Variants in APLF observed in about 807,000 individuals in gnomAD.
APLF encodes aprataxin and PNK-like factor.
Under a neutral mutation model 55.6 loss-of-function variants are expected in APLF, and 61 were observed. That is an observed-to-expected ratio of 1.10 (90% CI 0.89 to 1.36). The LOEUF (loss-of-function observed/expected upper bound fraction) is 1.36. Among genes scored for constraint, APLF ranks in the 40% most tolerant of loss-of-function variants. The pLI is 0.00. For missense variants in APLF, 611 were observed against 602.5 expected (o/e 1.01, Z -0.15); for synonymous variants, 207 against 214.8 (o/e 0.96, Z 0.32).
Position 68,474,019 on chromosome 2 carries a change from G to A in APLF, c.96+6192G>A, listed in dbSNP as rs372235912. Among the ~76,000 whole-genome samples the A allele has an allele frequency of 1.2e-3, 190 of 152,240 alleles. 1 individual carries two copies. The highest frequency in any genetic ancestry group is 4.5e-3 in the African/African-American group (187 of 41,532). ...TTCTGAACCACTGGATGTAAACCAG[G>A]GATCCCATGGCCCTTTCCTTGGGCT... On this transcript the variant is annotated intron_variant, in intron 1 of 9. Coordinates refer to ENST00000303795, the MANE Select transcript of APLF (RefSeq NM_173545.3).
At chr2:68,574,573 T>G (rs77951929) in intron 9 of APLF, among the ~76,000 whole-genome samples, 3 of 152,344 alleles carry the variant, frequency 2.0e-5, no homozygotes, top group Admixed American at 1.3e-4. Context: ...ACTAGCCACG[T>G]TGAATTCTGT....
chr2:68,538,646 A>T (rs933670179), intron 7 of APLF, among the ~76,000 whole-genome samples: 1 of 129,204 alleles, frequency 7.7e-6, no homozygotes, highest in Admixed American at 7.0e-5. Context: ...GGTGCTTTGA[A>T]TCATCATGGT....
chr2:68,513,813 A>G (rs1223764604), intron 5 of APLF, 133 bp downstream of exon 5: 11 of 983,242 alleles, frequency 1.1e-5, no homozygotes, highest in Non-Finnish European at 1.6e-5. Context: ...AGCCTAGCCT[A>G]GTTTTTTTAG....
At chr2:68,530,772 C>T (rs1291985903) in intron 6 of APLF, among the ~76,000 whole-genome samples, 1 of 152,026 alleles carries the variant, frequency 6.6e-6, no homozygotes, top group Non-Finnish European at 1.5e-5. Flanking sequence ...TCTTGGGTGT[C>T]TGGACTAGGG....
At chr2:68,484,705 A>G (rs903392513) in intron 1 of APLF, among the ~76,000 whole-genome samples, 3 of 151,692 alleles carry the variant, frequency 2.0e-5, no homozygotes, top group East Asian at 3.9e-4. Context: ...AAAAAAAAAA[A>G]AAAGTTTAAG....
intron 3 of APLF, among the ~76,000 whole-genome samples, chr2:68,506,909 T>C (rs921002142): frequency 4.6e-5 from 7 of 151,904 alleles, no homozygotes; most frequent in Non-Finnish European, 1.0e-4. Context: ...TATAAACATA[T>C]AAAACATACA....
chr2:68,490,140 C>T (rs1346553398), intron 1 of APLF, 50 bp from the exon 2 acceptor site: 1 of 1,404,602 alleles, frequency 7.1e-7, no homozygotes, highest in South Asian at 1.4e-5. Flanking sequence ...TGTTTTGTTG[C>T]TTTTTAAGGA....
At chr2:68,566,200 C>G (rs1671306782) in intron 8 of APLF, among the ~76,000 whole-genome samples, 1 of 152,074 alleles carries the variant, frequency 6.6e-6, no homozygotes, top group South Asian at 2.1e-4. Context: ...AATTGCCTTA[C>G]TTGCCCTATT....
chr2:68,477,757 G>A (rs1052599332), intron 1 of APLF, among the ~76,000 whole-genome samples: 1 of 152,178 alleles, frequency 6.6e-6, no homozygotes, highest in African/African-American at 2.4e-5. Flanking sequence ...TAATCATGGT[G>A]GAAGGCGAAT....
At chr2:68,476,234 C>T (rs188558024) in intron 1 of APLF, among the ~76,000 whole-genome samples, 12 of 151,848 alleles carry the variant, frequency 7.9e-5, no homozygotes, top group African/African-American at 2.7e-4. Context: ...GCCTGTAATC[C>T]CAGCACTTTG....
chr2:68,571,927 T>TG (rs1671481008), intron 9 of APLF, among the ~76,000 whole-genome samples: 3 of 152,326 alleles, frequency 2.0e-5, no homozygotes, highest in Non-Finnish European at 4.4e-5. Context: ...CTGGCCTCTA[T>TG]TATTATGTGA....
intron 2 of APLF, among the ~76,000 whole-genome samples, chr2:68,500,043 A>T (rs899613441): frequency 1.3e-5 from 2 of 151,866 alleles, no homozygotes; most frequent in Non-Finnish European, 2.9e-5. Context: ...TTCATTCCTA[A>T]TTTTTTGGTG....
chr2:68,545,417 T>G (rs911741285), intron 8 of APLF, 105 bp downstream of exon 8: 45 of 1,360,542 alleles, frequency 3.3e-5, no homozygotes, highest in Middle Eastern at 1.9e-4. Flanking sequence ...TTAATTTTCA[T>G]TTTTAAACTT....
chr2:68,536,445 G>A (rs1219534733), intron 6 of APLF, among the ~76,000 whole-genome samples: 1 of 152,094 alleles, frequency 6.6e-6, no homozygotes, highest in Admixed American at 6.6e-5. Flanking sequence ...GCATACATGA[G>A]TCTTTAGTTA....
intron 1 of APLF, among the ~76,000 whole-genome samples, chr2:68,471,554 G>A (rs921924431): frequency 2.6e-5 from 4 of 152,144 alleles, no homozygotes; most frequent in African/African-American, 7.2e-5. Flanking sequence ...CGAAGTGGGA[G>A]GGAAGAAGAA....
At chr2:68,480,270 C>A (rs1187113815) in intron 1 of APLF, among the ~76,000 whole-genome samples, 1 of 150,738 alleles carries the variant, frequency 6.6e-6, no homozygotes, top group Non-Finnish European at 1.5e-5. Flanking sequence ...GATTCAACTT[C>A]CTCCTTTCCA....
intron 1 of APLF, among the ~76,000 whole-genome samples, chr2:68,474,898 C>T (rs1381438337): frequency 6.6e-6 from 1 of 152,142 alleles, no homozygotes; most frequent in Non-Finnish European, 1.5e-5. Flanking sequence ...GAACTCCTGA[C>T]CTTAGGTGAT....
Position 68,529,527 on chromosome 2 carries a change from C to A in APLF, c.804+3285C>A. The A allele has an allele frequency of 1.0e-6, 1 of 964,768 alleles. No homozygotes were observed. Among genetic ancestry groups the A allele is most frequent in the Non-Finnish European group, 1.2e-6 (1 of 801,230 alleles). The allele number at this position is 964,768 out of a possible 1,614,324, so 59.8% of individuals were successfully genotyped here. A position where few individuals can be genotyped will look rare whatever the true frequency, so the allele number is the denominator to read the frequency against. ...AAGCGGAGAGGATACTCCTAAGTCA[C>A]CCACTTCTCTGTGGCTGGGTGCACA... On this transcript the variant is annotated intron_variant, in intron 6 of 9. Coordinates refer to ENST00000303795, the MANE Select transcript of APLF (RefSeq NM_173545.3). This position sits in a 1 kb window ranked among gnomAD's most constrained non-coding sequence, Gnocchi z 4.4.
intron 9 of APLF, among the ~76,000 whole-genome samples, chr2:68,575,873 G>A (rs1251794793): frequency 1.3e-5 from 2 of 152,094 alleles, no homozygotes; most frequent in African/African-American, 4.8e-5. Context: ...AAATGAGTCT[G>A]GAATTCAGGG....
Sources: gnomAD v4.1 joint callset for allele counts (sites outside exome capture counted in the v4.1 genomes callset) on GRCh38, gnomAD v4.1.1 for gene constraint, Gnocchi (gnomAD v3.1) non-coding constraint, MANE v1.5 for transcripts, NCBI Gene and HGNC (gene_info 2026-07-23, HGNC 2026-07-21) for gene names.